TMCC1: variants seen among roughly 807,000 people sequenced by gnomAD.
TMCC1 encodes the protein transmembrane and coiled-coil domains protein 1.
TMCC1 carries 15 observed loss-of-function variants against 52.4 expected under a neutral mutation model. That is an observed-to-expected ratio of 0.29 (90% CI 0.19 to 0.44). The LOEUF is 0.44. Ranked by LOEUF, TMCC1 falls within the 20% of genes least tolerant of loss-of-function variation. The pLI is 1.00. For synonymous variants in TMCC1, 279 were observed against 301.9 expected (o/e 0.92, Z 0.79); for missense variants, 503 against 806.0 (o/e 0.62, Z 4.55).
chr3:129,883,130 AACACAC>A (rs59492665), intron 1 of TMCC1, among the ~76,000 whole-genome samples: 2,135 of 146,772 alleles, frequency 0.015, 39 homozygotes, highest in African/African-American at 0.051. Context: ...CTCTACTAAA[AACACAC>A]ACACACACAC....
At chr3:129,807,272 T>C (rs1330686983) in intron 4 of TMCC1, among the ~76,000 whole-genome samples, 1 of 152,206 alleles carries the variant, frequency 6.6e-6, no homozygotes, top group Non-Finnish European at 1.5e-5. Context: ...TCTTATGTTG[T>C]ATGGCTGGTT....
At position 129,819,303 on chromosome 3, in the gene TMCC1, G is replaced by A. The variant is rs897930815; in HGVS notation, c.576+8500C>T. On this transcript the variant is annotated intron_variant, in intron 4 of 6. Transcript: ENST00000393238. ...TCACCATGTTGGCCAGGCTGGTCTCGAACTCCTGACCTCAGGTGATCCGCC... is the reference window on the plus strand; with the variant it reads ...TCACCATGTTGGCCAGGCTGGTCTCAAACTCCTGACCTCAGGTGATCCGCC... 7.9e-5 allele frequency among the ~76,000 whole-genome samples: 12 copies of A among 151,880 alleles called. 1 individual carries two copies. The highest frequency in any genetic ancestry group is 5.2e-4 in the Admixed American group (8 of 15,244).
At chr3:129,848,242 C>T (rs748633833) in intron 2 of TMCC1, 1 of 152,190 alleles carries the variant, frequency 6.6e-6, no homozygotes, top group Non-Finnish European at 1.5e-5. Flanking sequence ...ACCCCAAGGT[C>T]ACTAAGATTT....
intron 4 of TMCC1, among the ~76,000 whole-genome samples, chr3:129,775,164 G>A (rs1040710918): frequency 1.3e-5 from 2 of 152,128 alleles, no homozygotes; most frequent in African/African-American, 4.8e-5. Context: ...GAAATTGAAG[G>A]CTGGGTGTGG....
At chr3:129,829,841 A>G (rs1314300379) in intron 3 of TMCC1, among the ~76,000 whole-genome samples, 8 of 152,190 alleles carry the variant, frequency 5.3e-5, no homozygotes, top group African/African-American at 1.7e-4. Context: ...CAGGAATGCA[A>G]ACTCACTAAA....
chr3:129,844,784 CTT>C (rs2059583601), intron 2 of TMCC1, among the ~76,000 whole-genome samples: 1 of 152,188 alleles, frequency 6.6e-6, no homozygotes, highest in Non-Finnish European at 1.5e-5. Flanking sequence ...AATGAAAACT[CTT>C]TACTCTCAAA....
chr3:129,873,758 C>A (rs911583690), intron 2 of TMCC1, among the ~76,000 whole-genome samples: 35 of 152,284 alleles, frequency 2.3e-4, no homozygotes, highest in Non-Finnish European at 4.4e-4. Context: ...CGGTTAATCC[C>A]TGGTCCAAAA....
In TMCC1 at chr3:129,774,671, T is replaced by C. The variant is rs372710075; in HGVS notation, c.576+53132A>G. Among the ~76,000 whole-genome samples the C allele has an allele frequency of 9.2e-5, 14 of 152,212 alleles. No homozygotes were observed. In the East Asian group the frequency reaches 1.7e-3, roughly 19 times the overall value. On this transcript the variant is annotated intron_variant, in intron 4 of 6. Coordinates refer to ENST00000393238, the MANE Select transcript of TMCC1 (RefSeq NM_001017395.5). ...ACCTAGGCTAAGACCCAAGGGACCT[T>C]AGGAGTTTCTTTTTTAATGTGTGCT...
intron 4 of TMCC1, among the ~76,000 whole-genome samples, chr3:129,687,264 A>G (rs1576449880): frequency 6.6e-6 from 1 of 152,346 alleles, no homozygotes. Context: ...ACACCTGCCT[A>G]AGTTAGGATG....
intron 4 of TMCC1, among the ~76,000 whole-genome samples, chr3:129,672,842 C>A (rs1005636148): frequency 6.6e-6 from 1 of 152,044 alleles, no homozygotes; most frequent in Non-Finnish European, 1.5e-5. Context: ...ATTTATGAAA[C>A]GCCAATAATT....
intron 4 of TMCC1, among the ~76,000 whole-genome samples, chr3:129,685,274 G>A (rs188666668): frequency 9.9e-4 from 150 of 152,178 alleles, no homozygotes; most frequent in African/African-American, 3.4e-3. Context: ...CAGCTACTCA[G>A]GAGGCTAAGT....
intron 2 of TMCC1, among the ~76,000 whole-genome samples, chr3:129,838,982 A>G (rs1028249905): frequency 3.9e-5 from 6 of 152,086 alleles, no homozygotes; most frequent in African/African-American, 1.4e-4. Context: ...CATCCAGTGA[A>G]AATATCCTTC....
intron 4 of TMCC1, among the ~76,000 whole-genome samples, chr3:129,771,283 GC>G (rs2054556738): frequency 6.7e-6 from 1 of 149,004 alleles, no homozygotes; most frequent in East Asian, 1.9e-4. Flanking sequence ...CAAATGAGGA[GC>G]AAAAAGAAAC....
intron 4 of TMCC1, among the ~76,000 whole-genome samples, chr3:129,680,797 A>G (rs2088902645): frequency 1.3e-5 from 2 of 152,068 alleles, no homozygotes; most frequent in African/African-American, 4.8e-5. Flanking sequence ...GCTACTTGGG[A>G]GACTGAGGCA....
intron 4 of TMCC1, among the ~76,000 whole-genome samples, chr3:129,717,438 C>A (rs1408336298): frequency 6.6e-6 from 1 of 152,162 alleles, no homozygotes; most frequent in African/African-American, 2.4e-5. Flanking sequence ...TCCCTAATTA[C>A]ATTTTCTGCC....
At chr3:129,774,195 T>G (rs2054837508) in intron 4 of TMCC1, among the ~76,000 whole-genome samples, 1 of 152,204 alleles carries the variant, frequency 6.6e-6, no homozygotes, top group Non-Finnish European at 1.5e-5. Flanking sequence ...CTTTTGTGAT[T>G]ACATATACAC....
intron 4 of TMCC1, among the ~76,000 whole-genome samples, chr3:129,755,593 G>A (rs927110370): frequency 1.3e-5 from 2 of 152,238 alleles, no homozygotes; most frequent in Admixed American, 1.3e-4. Flanking sequence ...AAGATCTGAA[G>A]ACACTTCGTC....
At chr3:129,675,466 A>T (rs2088337043) in intron 4 of TMCC1, among the ~76,000 whole-genome samples, 1 of 152,250 alleles carries the variant, frequency 6.6e-6, no homozygotes, top group Non-Finnish European at 1.5e-5. Context: ...GTCAACAAAT[A>T]TAAAAGGGCT....
At position 129,741,206 on chromosome 3, in the gene TMCC1, A is replaced by T. The variant is rs562849918; in HGVS notation, c.577-69942T>A. 1.1e-4 allele frequency among the ~76,000 whole-genome samples: 16 copies of T among 152,292 alleles called. No homozygotes were observed. In the South Asian group the frequency reaches 3.1e-3, roughly 30 times the overall value. ...CAGTATAACTTTCATAATTACTGAA[A>T]ACTGGTTTCTTCATCATCAAAAGGA... On this transcript the variant is annotated intron_variant, in intron 4 of 6. Coordinates refer to ENST00000393238, the MANE Select transcript of TMCC1 (RefSeq NM_001017395.5).
Sources: gnomAD v4.1 joint callset for allele counts (sites outside exome capture counted in the v4.1 genomes callset) on GRCh38, gnomAD v4.1.1 for gene constraint, MANE v1.5 for transcripts, NCBI Gene and HGNC (gene_info 2026-07-23, HGNC 2026-07-21) for gene names.